CDH7: variants seen among roughly 807,000 people sequenced by gnomAD.
CDH7 encodes cadherin-7.
Under a neutral mutation model 71.8 loss-of-function variants are expected in CDH7, and 25 were observed. The ratio of observed to expected loss-of-function variants is 0.35; its 90% CI spans 0.25 to 0.49. The LOEUF is 0.49. Among genes scored for constraint, CDH7 ranks in the 20% least tolerant of loss-of-function variants. CDH7 has a pLI of 0.99. For missense variants in CDH7, 862 were observed against 974.6 expected (o/e 0.88, Z 1.54); for synonymous variants, 381 against 363.8 (o/e 1.05, Z -0.54).
At chr18:65,844,758 TTGTG>T (rs1301584527) in intron 7 of CDH7, among the ~76,000 whole-genome samples, 1 of 152,048 alleles carries the variant, frequency 6.6e-6, no homozygotes, top group Non-Finnish European at 1.5e-5. Flanking sequence ...GTTTATGTGT[TTGTG>T]TGAGACTTAT....
rs995827889 is a variant in CDH7, at chr18:65,765,503, A to G, written c.210+2451A>G. Among the ~76,000 whole-genome samples the G allele has an allele frequency of 1.7e-4, 25 of 150,746 alleles. 1 individual carries two copies. The highest frequency in any genetic ancestry group is 1.5e-4 in the Non-Finnish European group (10 of 67,740). On this transcript the variant is annotated intron_variant, in intron 2 of 11. Transcript: ENST00000397968. The stretch of plus-strand genomic sequence containing the variant: ...GTTTTGGGAGGTGATGTCTGTGCCC[A>G]GAAATGTTTGTAGGACAGAAAGAAA...
In CDH7 at chr18:65,888,811, G is replaced by C. The variant is rs1006350719; in HGVS notation, c.*7917G>C. Reference sequence around the variant, plus strand: ...GGTAGAAATGAAAGAAGAAGAAGAAGAAAAAAACATTGGGACATTTTGCCC... The same window carrying C: ...GGTAGAAATGAAAGAAGAAGAAGAACAAAAAAACATTGGGACATTTTGCCC... On this transcript the variant is annotated 3_prime_UTR_variant, in exon 12 of 12. Transcript: ENST00000397968. 6.6e-6 allele frequency: 1 copy of C among 151,266 alleles called. No homozygotes were observed. The allele number at this position is 151,266 out of a possible 1,614,324, so 9.4% of individuals were successfully genotyped here.
At chr18:65,761,554 G>C (rs1161556384) in intron 1 of CDH7, among the ~76,000 whole-genome samples, 1 of 140,966 alleles carries the variant, frequency 7.1e-6, no homozygotes, top group African/African-American at 2.7e-5. Flanking sequence ...AAAAAAAACA[G>C]AAATAGGCAA....
intron 2 of CDH7, among the ~76,000 whole-genome samples, chr18:65,771,358 A>T (rs745841648): frequency 2.6e-5 from 4 of 152,056 alleles, no homozygotes; most frequent in Admixed American, 6.6e-5. Context: ...AATGTATTAG[A>T]GCCGTAAACA....
chr18:65,854,932 T>TATATATAC lies in CDH7; in HGVS notation c.1236-2883_1236-2882insTATATACA, dbSNP rs67623413. The stretch of plus-strand genomic sequence containing the variant: ...GTATATGTGTACACATATATATATA[T>TATATATAC]ACACACACATATATATACACACACA... On this transcript the variant is annotated intron_variant, in intron 7 of 11. Coordinates refer to ENST00000397968, the MANE Select transcript of CDH7 (RefSeq NM_004361.5). 6.4e-3 allele frequency among the ~76,000 whole-genome samples: 954 copies of TATATATAC among 148,418 alleles called. 6 individuals carry two copies. The highest frequency in any genetic ancestry group is 6.3e-3 in the Non-Finnish European group (421 of 67,002).
chr18:65,849,918 T>G (rs1599049627), intron 7 of CDH7, among the ~76,000 whole-genome samples: 1 of 151,686 alleles, frequency 6.6e-6, no homozygotes, highest in Admixed American at 6.6e-5. Context: ...AATCCCAGCA[T>G]TTTGGGAGGC....
chr18:65,887,068 A>G lies in CDH7; in HGVS notation c.*6174A>G, dbSNP rs1914390393. ...TGAAAGTACAGCATACTTTCATTCA[A>G]AAACAAACTTGCATTTTCATTTTAT... On this transcript the variant is annotated 3_prime_UTR_variant, in exon 12 of 12. Transcript: ENST00000397968. The G allele has an allele frequency of 6.6e-6, 1 of 152,152 alleles. No individual in the cohort carries two copies. The highest frequency in any genetic ancestry group is 2.4e-5 in the African/African-American group (1 of 41,446). The allele number at this position is 152,152 out of a possible 1,614,324, so 9.4% of individuals were successfully genotyped here. A position where few individuals can be genotyped will look rare whatever the true frequency, so the allele number is the denominator to read the frequency against.
At chr18:65,869,412 A>G (rs953241816) in intron 11 of CDH7, among the ~76,000 whole-genome samples, 9 of 151,942 alleles carry the variant, frequency 5.9e-5, no homozygotes, top group Admixed American at 4.6e-4. Flanking sequence ...GACAGCTCTC[A>G]TCCAGTTTGA....
rs1476315846 is a variant in CDH7 at position 65,889,713 on chromosome 18, T to C, written c.*8819T>C. On this transcript the variant is annotated 3_prime_UTR_variant, in exon 12 of 12. Transcript: ENST00000397968. ...TAAGATTTAAATATATCTTTGAAGC[T>C]AGAAGTACTATGGAGATTGTATATA... 2 of 152,144 alleles carry C rather than the reference T, an allele frequency of 1.3e-5. No individual in the cohort carries two copies. Among genetic ancestry groups the C allele is most frequent in the African/African-American group, 4.8e-5 (2 of 41,438 alleles). The allele number at this position is 152,144 out of a possible 1,614,324, so 9.4% of individuals were successfully genotyped here.
At chr18:65,838,223 C>T (rs528227666) in intron 6 of CDH7, among the ~76,000 whole-genome samples, 15 of 152,132 alleles carry the variant, frequency 9.9e-5, no homozygotes, top group African/African-American at 3.6e-4. Context: ...CCCGACCTAA[C>T]ATAAAATTAT....
At chr18:65,768,768 G>A (rs1262533436) in intron 2 of CDH7, among the ~76,000 whole-genome samples, 1 of 151,996 alleles carries the variant, frequency 6.6e-6, no homozygotes, top group Admixed American at 6.6e-5. Flanking sequence ...GACTATATTG[G>A]GAGAAATTGG....
rs116367553 is a variant in CDH7, at chr18:65,851,427, A to G, written c.1236-6389A>G. ...ACTGATGATATATTTGTGTTAATCT[A>G]GCTCACTCACCTGCACTTTCTGTTT... is the stretch of plus-strand genomic sequence containing the variant. On this transcript the variant is annotated intron_variant, in intron 7 of 11. Transcript: ENST00000397968. Among the ~76,000 whole-genome samples, 999 of 152,308 alleles carry G rather than the reference A, an allele frequency of 6.6e-3. 12 individuals carry two copies. The highest frequency in any genetic ancestry group is 0.023 in the African/African-American group (956 of 41,548).
intron 3 of CDH7, among the ~76,000 whole-genome samples, chr18:65,813,038 A>G (rs1911597977): frequency 6.6e-6 from 1 of 152,210 alleles, no homozygotes; most frequent in Non-Finnish European, 1.5e-5. Context: ...AGTCCATAAA[A>G]TAAAAAACTT....
rs1308256350 is a variant in CDH7, at chr18:65,763,009, T to C, written c.167T>C (p.Val56Ala). The C allele has an allele frequency of 1.9e-6, 3 of 1,613,486 alleles. No individual in the cohort carries two copies. The East Asian group carries it at 6.7e-5, about 36-fold the overall frequency. Residue 56 changes from valine (V) to alanine (A), a missense_variant, in exon 2 of 12, where the codon GTG becomes GCG. Coordinates refer to ENST00000397968, the MANE Select transcript of CDH7 (RefSeq NM_004361.5). ...KRSWVWNQFF[V>A]LEEYMGSDPL... Reference sequence around the variant, plus strand: ...AGCTGGGTGTGGAATCAGTTCTTTGTGCTGGAGGAATACATGGGTTCAGAC... The same window carrying C: ...AGCTGGGTGTGGAATCAGTTCTTTGCGCTGGAGGAATACATGGGTTCAGAC...
intron 7 of CDH7, among the ~76,000 whole-genome samples, chr18:65,851,873 G>A (rs1913162244): frequency 6.6e-6 from 1 of 152,190 alleles, no homozygotes; most frequent in Non-Finnish European, 1.5e-5. Context: ...GTCCCTGGTG[G>A]TGTAGCACAA....
In CDH7 at chr18:65,884,996, A is replaced by G. The variant is rs545111339; in HGVS notation, c.*4102A>G. On this transcript the variant is annotated 3_prime_UTR_variant, in exon 12 of 12. Coordinates refer to ENST00000397968, the MANE Select transcript of CDH7 (RefSeq NM_004361.5). ...TATATGACAAATAATAGATAAACCAATTTATTTTCTGTTAGTGTATGTTTA... is the reference window on the plus strand; with the variant it reads ...TATATGACAAATAATAGATAAACCAGTTTATTTTCTGTTAGTGTATGTTTA... 8 of 152,274 alleles carry G rather than the reference A, an allele frequency of 5.3e-5. No individual in the cohort carries two copies. In the South Asian group the frequency reaches 1.2e-3, roughly 24 times the overall value. 9.4% of individuals were successfully genotyped at this position (152,274 alleles called of 1,614,324 possible).
intron 1 of CDH7, among the ~76,000 whole-genome samples, chr18:65,757,788 TA>T (rs1234676462): frequency 5.6e-4 from 78 of 140,272 alleles, no homozygotes; most frequent in African/African-American, 2.0e-3. Flanking sequence ...CATATATATA[TA>T]TATTTTTTTT....
At position 65,809,850 on chromosome 18, in the gene CDH7, G is replaced by A. The variant is rs201657602; in HGVS notation, c.357G>A (p.Thr119=). The A allele has an allele frequency of 1.2e-5, 20 of 1,613,718 alleles. No homozygotes were observed. The highest frequency in any genetic ancestry group is 1.6e-4 in the Middle Eastern group (1 of 6,084). Residue 119 remains threonine (T), a synonymous_variant, in exon 3 of 12, where the codon ACG becomes ACA. Coordinates refer to ENST00000397968, the MANE Select transcript of CDH7 (RefSeq NM_004361.5). Reference sequence around the variant, plus strand: ...ATCGTGAGGAGCAGGCCTACTACACGCTCCGAGCTCAAGCGCTGGATAGGC... The same window carrying A: ...ATCGTGAGGAGCAGGCCTACTACACACTCCGAGCTCAAGCGCTGGATAGGC... ...RLDREEQAYY[T]LRAQALDRLT...
At chr18:65,819,251 ACTC>A in intron 4 of CDH7, among the ~76,000 whole-genome samples, 1 of 152,052 alleles carries the variant, frequency 6.6e-6, no homozygotes, top group East Asian at 1.9e-4. Context: ...GCATTGACCC[ACTC>A]CTCGATTTGC....
Sources: allele counts gnomAD v4.1 joint callset (sites outside exome capture counted in the v4.1 genomes callset), GRCh38; gene constraint gnomAD v4.1.1; transcripts MANE v1.5; gene names NCBI Gene and HGNC (gene_info 2026-07-23, HGNC 2026-07-21).